SLC14A2: variants seen among roughly 807,000 people sequenced by gnomAD.
SLC14A2 encodes the protein urea transporter 2.
SLC14A2 carries 91 observed loss-of-function variants against 104.6 expected under a neutral mutation model. That is an observed-to-expected ratio of 0.87 (90% CI 0.73 to 1.04). The LOEUF is 1.04. Among genes scored for constraint, SLC14A2 ranks in the 50% least tolerant of loss-of-function variants. The pLI, the probability that SLC14A2 is intolerant of heterozygous loss-of-function variation, is 0.00. For missense variants in SLC14A2, 1,189 were observed against 1,156.0 expected (o/e 1.03, Z -0.41); for synonymous variants, 476 against 466.4 (o/e 1.02, Z -0.27).
chr18:45,450,978 T>C (rs2086848333), intron 1 of SLC14A2, among the ~76,000 whole-genome samples: 1 of 152,172 alleles, frequency 6.6e-6, no homozygotes, highest in African/African-American at 2.4e-5. Flanking sequence ...GCTCAACCAC[T>C]TCAAAGGACA....
chr18:45,535,649 A>G (rs1338125548), intron 2 of SLC14A2, among the ~76,000 whole-genome samples: 1 of 152,166 alleles, frequency 6.6e-6, no homozygotes, highest in African/African-American at 2.4e-5. Flanking sequence ...TATGTTTCCA[A>G]CTGTTTGAGT....
the SLC14A2 span, among the ~76,000 whole-genome samples, chr18:45,177,555 G>A: frequency 6.6e-6 from 1 of 152,068 alleles, no homozygotes; most frequent in African/African-American, 2.4e-5. Flanking sequence ...TCCCGCATCT[G>A]GAATGCTCTC....
chr18:45,513,163 C>T (rs1247780836), intron 2 of SLC14A2, among the ~76,000 whole-genome samples: 2 of 152,198 alleles, frequency 1.3e-5, no homozygotes, highest in South Asian at 2.1e-4. Flanking sequence ...AACACTTGTT[C>T]TCTACTCAGA....
At chr18:45,268,507 G>T (rs954399513) in intron 1 of SLC14A2, among the ~76,000 whole-genome samples, 1 of 152,216 alleles carries the variant, frequency 6.6e-6, no homozygotes, top group Non-Finnish European at 1.5e-5. Context: ...ACTGACAGAA[G>T]ATTTTGTCTC....
At chr18:45,575,671 A>G (rs2044408378) in intron 2 of SLC14A2, among the ~76,000 whole-genome samples, 1 of 152,230 alleles carries the variant, frequency 6.6e-6, no homozygotes, top group Non-Finnish European at 1.5e-5. Flanking sequence ...GCTGAAGCAG[A>G]ACTTGAGAGA....
intron 1 of SLC14A2, among the ~76,000 whole-genome samples, chr18:45,253,126 T>A (rs1295371599): frequency 1.3e-5 from 2 of 152,170 alleles, no homozygotes; most frequent in African/African-American, 4.8e-5. Flanking sequence ...AAAACCAGAT[T>A]GTTTGGCCGA....
chr18:45,669,180 AG>A (rs971923625), intron 15 of SLC14A2, 125 bp from the exon 16 acceptor site: 27 of 752,010 alleles, frequency 3.6e-5, no homozygotes, highest in Admixed American at 3.0e-4. Flanking sequence ...AGGGCCAGTC[AG>A]GCTCCAGAGA....
chr18:45,645,624 C>CATATATATATATATATATATACAT, intron 10 of SLC14A2, among the ~76,000 whole-genome samples: 1 of 9,052 alleles, frequency 1.1e-4, no homozygotes, highest in East Asian at 1.8e-3. Context: ...TATATATATA[C>CATATATATATATATATATATACAT]ATATACAAAG....
intron 1 of SLC14A2, among the ~76,000 whole-genome samples, chr18:45,396,586 A>G (rs2086033543): frequency 6.7e-6 from 1 of 150,270 alleles, no homozygotes. Flanking sequence ...TCGAGTGTGA[A>G]AGTAATGAAT....
In SLC14A2 at chr18:45,665,715, TTG is replaced by T. The variant is rs1555637544; in HGVS notation, c.1475-420_1475-419del. Among the ~76,000 whole-genome samples the T allele has an allele frequency of 2.2e-4, 21 of 94,228 alleles. 1 individual carries two copies. The highest frequency in any genetic ancestry group is 6.3e-4 in the African/African-American group (18 of 28,426). 61.8% of individuals were successfully genotyped at this position (94,228 alleles called of 152,430 possible). On this transcript the variant is annotated intron_variant, in intron 11 of 19. Transcript: ENST00000255226. Reference sequence around the variant, plus strand: ...TTTTTTTTTTTTTTTTTTTTTTTTTTTGTTCACCTTCAAGTTCTCCATGTGGA... The same window carrying T: ...TTTTTTTTTTTTTTTTTTTTTTTTTTTTCACCTTCAAGTTCTCCATGTGGA...
intron 1 of SLC14A2, among the ~76,000 whole-genome samples, chr18:45,460,477 A>G (rs551193339): frequency 6.6e-6 from 1 of 152,302 alleles, no homozygotes; most frequent in Non-Finnish European, 1.5e-5. Context: ...GCCCTTCATG[A>G]TAGAAGAATT....
intron 1 of SLC14A2, among the ~76,000 whole-genome samples, chr18:45,429,319 A>C (rs139177215): frequency 6.6e-6 from 1 of 152,322 alleles, no homozygotes; most frequent in African/African-American, 2.4e-5. Context: ...GAAACTGTGG[A>C]GAGTCTGTGG....
At chr18:45,231,452 C>A (rs2084173939) in intron 1 of SLC14A2, among the ~76,000 whole-genome samples, 1 of 152,160 alleles carries the variant, frequency 6.6e-6, no homozygotes, top group Non-Finnish European at 1.5e-5. Flanking sequence ...ATCTTCCTGC[C>A]TTGGCCTCCC....
At chr18:45,579,971 T>C (rs1277092852) in intron 2 of SLC14A2, among the ~76,000 whole-genome samples, 1 of 151,960 alleles carries the variant, frequency 6.6e-6, no homozygotes, top group Non-Finnish European at 1.5e-5. Context: ...TGAAAAGGAA[T>C]GGGGGACTCG....
intron 1 of SLC14A2, among the ~76,000 whole-genome samples, chr18:45,269,578 T>C (rs757380868): frequency 4.0e-5 from 6 of 150,630 alleles, no homozygotes; most frequent in Non-Finnish European, 7.4e-5. Context: ...GATGATGAAA[T>C]AGATGAAATG....
intron 1 of SLC14A2, among the ~76,000 whole-genome samples, chr18:45,318,786 T>TAA: frequency 7.4e-6 from 1 of 135,982 alleles, no homozygotes; most frequent in South Asian, 2.4e-4. Flanking sequence ...AAACTCTGTC[T>TAA]AAAAAAAAAA....
intron 1 of SLC14A2, among the ~76,000 whole-genome samples, chr18:45,359,839 A>T (rs530710191): frequency 6.6e-6 from 1 of 152,340 alleles, no homozygotes; most frequent in African/African-American, 2.4e-5. Flanking sequence ...CTTCTGTCCA[A>T]CTGATGAAAT....
At chr18:45,546,697 TACTTAA>T (rs955942161) in intron 2 of SLC14A2, among the ~76,000 whole-genome samples, 6 of 152,254 alleles carry the variant, frequency 3.9e-5, no homozygotes, top group Non-Finnish European at 5.9e-5. Context: ...TTGGGCATTT[TACTTAA>T]ACTTCTGTGC....
chr18:45,479,899 G>A (rs1862269863), intron 1 of SLC14A2, among the ~76,000 whole-genome samples: 1 of 152,126 alleles, frequency 6.6e-6, no homozygotes, highest in African/African-American at 2.4e-5. Flanking sequence ...TCTGGGAAAT[G>A]GAACATTGCA....
Sources: allele counts gnomAD v4.1 joint callset (sites outside exome capture counted in the v4.1 genomes callset), GRCh38; gene constraint gnomAD v4.1.1; transcripts MANE v1.5; gene names NCBI Gene and HGNC (gene_info 2026-07-23, HGNC 2026-07-21).